PRRC2C: variants seen among roughly 807,000 people sequenced by gnomAD.
PRRC2C encodes the protein proline rich coiled-coil 2C.
Under a neutral mutation model 317.2 loss-of-function variants are expected in PRRC2C, and 72 were observed. The observed-to-expected ratio is 0.23, with a 90% confidence interval of 0.19 to 0.28. The LOEUF (loss-of-function observed/expected upper bound fraction) is 0.28, where lower values mean the gene tolerates loss of function less well. Ranked by LOEUF, PRRC2C falls within the 10% of genes least tolerant of loss-of-function variation. The probability of loss-of-function intolerance (pLI) is 1.00; values close to 1 mark genes in which losing one functional copy is unlikely to be tolerated. For synonymous variants in PRRC2C, 1,296 were observed against 1,205.9 expected, an observed-to-expected ratio of 1.07 and a Z score of -1.55; for missense variants, 3,074 against 3,459.7, an observed-to-expected ratio of 0.89 and a Z score of 2.80.
At chr1:171,486,287 A>T (rs181275993) in intron 1 of PRRC2C, among the ~76,000 whole-genome samples, 1 of 152,098 alleles carries the variant, frequency 6.6e-6, no homozygotes, top group Non-Finnish European at 1.5e-5. Context: ...CGGGGAATCA[A>T]GACCAACCCT....
intron 19 of PRRC2C, among the ~76,000 whole-genome samples, chr1:171,560,196 A>G (rs1028679925): frequency 1.3e-5 from 2 of 152,234 alleles, no homozygotes; most frequent in Non-Finnish European, 1.5e-5. Context: ...CAGAATATCA[A>G]CATTAACAGG....
Position 171,540,527 on chromosome 1 carries a change from C to T in PRRC2C, c.3061C>T (p.Pro1021Ser). The change falls in exon 16 of 35, where the codon CCT (proline) becomes TCT (serine). Residue 1021 changes from proline to serine, a missense_variant. Around this residue, in one of 11 missense-constraint regions of PRRC2C, gnomAD observed 1,320 missense variants for 1,395.7 expected, o/e 0.95. Coordinates refer to ENST00000647382, the MANE Select transcript of PRRC2C (RefSeq NM_001387844.1). ...GAGAAGATCAGGTCCCATTAAAAAA[C>T]CTGTACTTAGAGATATGAAAGAGGA... ...PVRRSGPIKK[P>S]VLRDMKEERE... 1 of 1,613,276 alleles carries T rather than the reference C, an allele frequency of 6.2e-7. No homozygotes were observed.
chr1:171,584,058 C>G lies in PRRC2C; in HGVS notation c.7512C>G (p.Ala2504=). ...CAACTGTCCAACACCAAGAACTTGC[C>G]AAGGCACAATCCGGTCTTGCCTTTC... is the stretch of plus-strand genomic sequence containing the variant. ...NFPTVQHQEL[A]KAQSGLAFQQ... is the part of the protein sequence containing the mutation. The change falls in exon 29 of 35, where the codon GCC becomes GCG. Residue 2504 remains alanine (A), a synonymous_variant. Coordinates refer to ENST00000647382, the MANE Select transcript of PRRC2C (RefSeq NM_001387844.1). 6.2e-7 allele frequency: 1 copy of G among 1,613,864 alleles called. No individual in the cohort carries two copies. The highest frequency in any genetic ancestry group is 8.5e-7 in the Non-Finnish European group (1 of 1,179,774).
At chr1:171,545,753 C>A in intron 17 of PRRC2C, 66 bp downstream of exon 17, 1 of 730,378 alleles carries the variant, frequency 1.4e-6, no homozygotes, top group Non-Finnish European at 1.8e-6. Flanking sequence ...TTATTTGCTA[C>A]ATTTTAAAAT....
intron 28 of PRRC2C, among the ~76,000 whole-genome samples, chr1:171,580,435 G>A (rs530286813): frequency 6.6e-6 from 1 of 152,264 alleles, no homozygotes; most frequent in East Asian, 1.9e-4. Flanking sequence ...AGTGAAGAAA[G>A]CATTTTTTCC....
intron 20 of PRRC2C, among the ~76,000 whole-genome samples, 161 bp downstream of exon 20, chr1:171,561,264 G>A (rs1682654466): frequency 6.6e-6 from 1 of 152,036 alleles, no homozygotes; most frequent in Non-Finnish European, 1.5e-5. Context: ...ACCCGCCTGG[G>A]CAATGTAGGA....
intron 15 of PRRC2C, 111 bp from the exon 16 acceptor site, chr1:171,539,860 C>A: frequency 1.1e-6 from 1 of 941,316 alleles, no homozygotes; most frequent in Non-Finnish European, 1.6e-6. Context: ...GAAAGATTCT[C>A]ATTATGGTTA....
rs150220556 is a variant in PRRC2C at position 171,517,992 on chromosome 1, C to T, written c.750+178C>T. 4.3e-3 allele frequency among the ~76,000 whole-genome samples: 656 copies of T among 152,284 alleles called. 5 individuals are homozygous for T. The highest frequency in any genetic ancestry group is 0.015 in the African/African-American group (606 of 41,546). On this transcript the variant is annotated intron_variant, in intron 6 of 34. Coordinates refer to ENST00000647382, the MANE Select transcript of PRRC2C (RefSeq NM_001387844.1). ...AAGGGACTACACATGGTGTAAACAC[C>T]AGAAGATAGAGATCATTTGGGCTAT...
chr1:171,562,006 A>T (rs751008313), intron 20 of PRRC2C, among the ~76,000 whole-genome samples: 4 of 152,180 alleles, frequency 2.6e-5, no homozygotes, highest in Admixed American at 6.5e-5. Context: ...AACCACTAAT[A>T]AAAAAACATC....
chr1:171,505,547 AT>A (rs111693644), intron 1 of PRRC2C, among the ~76,000 whole-genome samples: 6,032 of 151,464 alleles, frequency 0.04, 357 homozygotes, highest in African/African-American at 0.14. Flanking sequence ...TCCAATTTGA[AT>A]TTTTTTTTGT....
intron 11 of PRRC2C, among the ~76,000 whole-genome samples, chr1:171,530,166 A>G (rs1675502776): frequency 6.6e-6 from 1 of 152,066 alleles, no homozygotes; most frequent in South Asian, 2.1e-4. Flanking sequence ...ACTTTGGAGA[A>G]CATTTCCCAA....
At chr1:171,554,145 T>C (rs1680877354) in intron 18 of PRRC2C, among the ~76,000 whole-genome samples, 1 of 152,114 alleles carries the variant, frequency 6.6e-6, no homozygotes, top group Non-Finnish European at 1.5e-5. Flanking sequence ...AATGAATATA[T>C]ATGCTCCTGT....
intron 34 of PRRC2C, among the ~76,000 whole-genome samples, chr1:171,590,428 G>A (rs1651172512): frequency 6.6e-6 from 1 of 152,148 alleles, no homozygotes; most frequent in African/African-American, 2.4e-5. Context: ...AGGGATCTTA[G>A]TAATTTTTGC....
At chr1:171,576,942 A>G (rs181523839) in intron 25 of PRRC2C, among the ~76,000 whole-genome samples, 5 of 152,316 alleles carry the variant, frequency 3.3e-5, no homozygotes, top group African/African-American at 1.2e-4. Context: ...CAGTTTTTGC[A>G]GGAGAGAGAA....
intron 24 of PRRC2C, among the ~76,000 whole-genome samples, chr1:171,573,703 G>T (rs1265850273): frequency 1.2e-5 from 1 of 82,330 alleles, no homozygotes; most frequent in Admixed American, 1.7e-4. Flanking sequence ...TTTTGAGTTG[G>T]AGCCTCGTTC....
rs995039617 is a variant in PRRC2C at position 171,592,863 on chromosome 1, A to T, written c.*1016A>T. 2.6e-5 allele frequency: 4 copies of T among 152,158 alleles called. No homozygotes were observed. The East Asian group carries it at 7.7e-4, about 29-fold the overall frequency. The allele number at this position is 152,158 out of a possible 1,614,324, so 9.4% of individuals were successfully genotyped here. ...GCCCTCTGCTGGAAAAGTAGAATCA[A>T]GTCTCAAATAATGCCTTTTTAATTG... On this transcript the variant is annotated 3_prime_UTR_variant, in exon 35 of 35. Coordinates refer to ENST00000647382, the MANE Select transcript of PRRC2C (RefSeq NM_001387844.1).
At position 171,517,766 on chromosome 1, in the gene PRRC2C, A is replaced by C; in HGVS notation, c.702A>C (p.Gly234=). 6.2e-7 allele frequency: 1 copy of C among 1,613,736 alleles called. No individual in the cohort carries two copies. The highest frequency in any genetic ancestry group is 8.5e-7 in the Non-Finnish European group (1 of 1,179,878). Residue 234 remains glycine (G), a synonymous_variant, in exon 6 of 35, where the codon GGA becomes GGC. Coordinates refer to ENST00000647382, the MANE Select transcript of PRRC2C (RefSeq NM_001387844.1). ...GTCCTCCACAGGCTAAACTGAATGG[A>C]CAGCAGGCTGCTCTCGCTTCCCAGT... The part of the protein sequence containing the change: ...ACGPPQAKLN[G]QQAALASQYR...
At chr1:171,562,200 G>C (rs1298007594) in intron 20 of PRRC2C, among the ~76,000 whole-genome samples, 1 of 152,200 alleles carries the variant, frequency 6.6e-6, no homozygotes, top group African/African-American at 2.4e-5. Context: ...TCCAGGTTCA[G>C]ATAATAGCAA....
At chr1:171,588,285 G>C (rs1650519450) in intron 32 of PRRC2C, 94 bp from the exon 33 acceptor site, 4 of 1,380,882 alleles carry the variant, frequency 2.9e-6, no homozygotes, top group Non-Finnish European at 1.0e-6. Context: ...CAACTACCAA[G>C]TATGATGAAA....
Sources: gnomAD v4.1 joint callset for allele counts (sites outside exome capture counted in the v4.1 genomes callset) on GRCh38, gnomAD v4.1.1 for gene constraint, gnomAD v4.1.1 regional missense constraint, MANE v1.5 for transcripts, NCBI Gene and HGNC (gene_info 2026-07-23, HGNC 2026-07-21) for gene names.